The following NFASC variants were observed in gnomAD, a reference collection of about 807,000 sequenced individuals.
NFASC encodes the protein neurofascin homolog.
A neutral mutation model predicts 147.5 loss-of-function variants in NFASC; 43 were observed. The ratio of observed to expected loss-of-function variants is 0.29; its 90% confidence interval spans 0.23 to 0.38. NFASC has a LOEUF of 0.38. Ranked by LOEUF, NFASC falls within the 10% of genes least tolerant of loss-of-function variation. The pLI is 1.00. For missense variants in NFASC, 1,320 were observed against 1,689.0 expected, an observed-to-expected ratio of 0.78 and a Z score of 3.83; for synonymous variants, 622 against 665.5, an observed-to-expected ratio of 0.93 and a Z score of 1.01.
rs1223133164 is a variant in NFASC, at chr1:204,997,412, G to C, written c.3019+6G>C. 1 of 1,551,892 alleles carries C rather than the reference G, an allele frequency of 6.4e-7. No homozygotes were observed. Among genetic ancestry groups the C allele is most frequent in the Non-Finnish European group, 8.7e-7 (1 of 1,147,052 alleles). The stretch of plus-strand genomic sequence containing the variant: ...GACTAAGATACACGAATCCGGTACT[G>C]CGCATCGCCCATGCTCCCCATCCCC... On this transcript the variant is annotated splice_donor_region_variant and intron_variant, in intron 25 of 29. Transcript: ENST00000339876.
chr1:204,915,074 T>C (rs577259568), intron 1 of NFASC, among the ~76,000 whole-genome samples: 1 of 152,100 alleles, frequency 6.6e-6, no homozygotes, highest in Non-Finnish European at 1.5e-5. Context: ...GGTCAGGAGA[T>C]CGAGACCATC....
chr1:204,889,446 A>T (rs2081962336), intron 1 of NFASC, among the ~76,000 whole-genome samples: 1 of 152,246 alleles, frequency 6.6e-6, no homozygotes, highest in Admixed American at 6.5e-5. Flanking sequence ...CAAGTGCTTC[A>T]TTACGCAGGT....
chr1:204,836,232 C>G (rs987563010), intron 1 of NFASC, among the ~76,000 whole-genome samples: 1 of 151,948 alleles, frequency 6.6e-6, no homozygotes, highest in Non-Finnish European at 1.5e-5. Context: ...CTAGTTTTAT[C>G]TTTATTTGCA....
At chr1:204,937,783 C>T (rs1466635057) in intron 2 of NFASC, among the ~76,000 whole-genome samples, 1 of 152,166 alleles carries the variant, frequency 6.6e-6, no homozygotes, top group Non-Finnish European at 1.5e-5. Context: ...GTGTTTTCTC[C>T]GTTGCACTTA....
Position 204,975,342 on chromosome 1 carries a change from C to T in NFASC, c.1630C>T (p.Arg544Trp), listed in dbSNP as rs769677793. ...GGGCACCACGGTGCAGCTGGAGTGT[C>T]GGGTGAAGCACGACCCCTCCCTGAA... is the stretch of plus-strand genomic sequence containing the variant. ...RRGTTVQLEC[R>W]VKHDPSLKLT... The change falls in exon 15 of 30, where the codon CGG becomes TGG. Residue 544 changes from arginine to tryptophan, a missense_variant. Physicochemically the swap from Arg to Trp is moderately radical, Grantham distance 101. Coordinates refer to ENST00000339876, the MANE Select transcript of NFASC (RefSeq NM_001005388.3). This position sits in a 1 kb window ranked among gnomAD's most constrained non-coding sequence, Gnocchi z 4.0. 5.6e-6 allele frequency: 9 copies of T among 1,614,070 alleles called. No homozygotes were observed. The highest frequency in any genetic ancestry group is 5.5e-5 in the South Asian group (5 of 91,084).
chr1:204,833,732 A>T (rs1023136633), intron 1 of NFASC, among the ~76,000 whole-genome samples: 1 of 152,206 alleles, frequency 6.6e-6, no homozygotes, highest in Non-Finnish European at 1.5e-5. Context: ...AAAGAAAAGC[A>T]TGATTTGTTA....
At chr1:204,868,806 G>A (rs1281177366) in intron 1 of NFASC, among the ~76,000 whole-genome samples, 1 of 152,202 alleles carries the variant, frequency 6.6e-6, no homozygotes, top group East Asian at 1.9e-4. Flanking sequence ...ACCCAGCAGG[G>A]GGTCATCTGG....
chr1:204,956,589 G>A (rs770149450), intron 7 of NFASC, among the ~76,000 whole-genome samples: 15 of 152,168 alleles, frequency 9.9e-5, no homozygotes, highest in Non-Finnish European at 1.9e-4. Flanking sequence ...CATTGCAATT[G>A]TTTATTTATC....
Position 204,952,008 on chromosome 1 carries a change from C to T in NFASC, c.110-3C>T. On this transcript the variant is annotated splice_polypyrimidine_tract_variant and splice_region_variant and intron_variant, in intron 4 of 29. Transcript: ENST00000339876. Reference sequence around the variant, plus strand: ...TGACCATGCTCCCTGTGCACTGTTGCAGTGACGCAGCCGCCAACCATCACC... The same window carrying T: ...TGACCATGCTCCCTGTGCACTGTTGTAGTGACGCAGCCGCCAACCATCACC... 1 of 1,613,470 alleles carries T rather than the reference C, an allele frequency of 6.2e-7. No individual in the cohort carries two copies. Among genetic ancestry groups the T allele is most frequent in the Non-Finnish European group, 8.5e-7 (1 of 1,179,496 alleles).
chr1:204,869,849 G>C (rs1182992283), intron 1 of NFASC, among the ~76,000 whole-genome samples: 1 of 152,074 alleles, frequency 6.6e-6, no homozygotes, highest in African/African-American at 2.4e-5. Context: ...GGTTGTTTAG[G>C]TTGTTTCTAA....
chr1:204,871,097 C>T, intron 1 of NFASC: 1 of 1,289,808 alleles, frequency 7.8e-7, no homozygotes, highest in Non-Finnish European at 1.0e-6. Context: ...TGCCCTCCCT[C>T]TTGGCCTCTC....
At chr1:204,850,926 A>G (rs1173025124) in intron 1 of NFASC, among the ~76,000 whole-genome samples, 1 of 152,202 alleles carries the variant, frequency 6.6e-6, no homozygotes, top group Non-Finnish European at 1.5e-5. Flanking sequence ...ATGCAACTTC[A>G]TAGAGTTAAT....
intron 1 of NFASC, among the ~76,000 whole-genome samples, chr1:204,906,013 A>G (rs1035691729): frequency 1.3e-5 from 2 of 152,174 alleles, no homozygotes; most frequent in Admixed American, 6.5e-5. Context: ...CAATGTGTTT[A>G]TTAGCCATAT....
intron 7 of NFASC, among the ~76,000 whole-genome samples, chr1:204,955,322 GAAACATGATAATGAA>G (rs1441680703): frequency 7.9e-5 from 12 of 152,312 alleles, no homozygotes; most frequent in Admixed American, 6.5e-5. Context: ...TAAGCACTTG[GAAACATGATAATGAA>G]AATGAAGAGC....
At chr1:204,900,431 A>G (rs12025272) in intron 1 of NFASC, among the ~76,000 whole-genome samples, 17,018 of 152,268 alleles carry the variant, frequency 0.11, 1,859 homozygotes, top group East Asian at 0.51. Context: ...AACACTTTTT[A>G]TTCTAGCTGC....
chr1:204,885,516 T>G (rs556117435), intron 1 of NFASC, among the ~76,000 whole-genome samples: 2 of 152,350 alleles, frequency 1.3e-5, no homozygotes, highest in East Asian at 3.9e-4. Flanking sequence ...AGAAATATTT[T>G]GCAACCCACC....
intron 1 of NFASC, among the ~76,000 whole-genome samples, chr1:204,879,328 A>G (rs1243067271): frequency 6.6e-6 from 1 of 152,174 alleles, no homozygotes; most frequent in African/African-American, 2.4e-5. Context: ...TGTGTCTCAT[A>G]TTACTACTCG....
intron 1 of NFASC, among the ~76,000 whole-genome samples, chr1:204,877,005 T>TATATATATATATATATATATATA: frequency 9.7e-6 from 1 of 103,084 alleles, no homozygotes; most frequent in Admixed American, 1.3e-4. Context: ...TGTATATATA[T>TATATATATATATATATATATATA]ATATATATAT....
At chr1:204,967,893 G>A (rs2095049663) in intron 8 of NFASC, 1 of 196,396 alleles carries the variant, frequency 5.1e-6, no homozygotes, top group Admixed American at 5.7e-5. Flanking sequence ...TGCCCTGGGG[G>A]CCACACAGTG....
Sources: allele counts gnomAD v4.1 joint callset (sites outside exome capture counted in the v4.1 genomes callset), GRCh38; gene constraint gnomAD v4.1.1; non-coding constraint Gnocchi (gnomAD v3.1); transcripts MANE v1.5; gene names NCBI Gene and HGNC (gene_info 2026-07-23, HGNC 2026-07-21).